XIRP2: variants seen among roughly 807,000 people sequenced by gnomAD.
The protein encoded by XIRP2 is xin actin-binding repeat-containing protein 2.
XIRP2 carries 236 observed loss-of-function variants against 277.0 expected under a neutral mutation model. The ratio of observed to expected loss-of-function variants is 0.85; its 90% CI spans 0.77 to 0.95. XIRP2 has a LOEUF of 0.95. Among genes scored for constraint, XIRP2 ranks in the 40% least tolerant of loss-of-function variants. The pLI is 0.00. For missense variants in XIRP2, 4,640 were observed against 4,157.5 expected (o/e 1.12, Z -3.19); for synonymous variants, 1,490 against 1,416.5 (o/e 1.05, Z -1.17).
At chr2:167,179,102 C>A (rs1027405430) in intron 3 of XIRP2, among the ~76,000 whole-genome samples, 1 of 151,944 alleles carries the variant, frequency 6.6e-6, no homozygotes, top group African/African-American at 2.4e-5. Context: ...TATACTAAAG[C>A]TGTGTTCTTT....
intron 2 of XIRP2, among the ~76,000 whole-genome samples, chr2:167,122,247 G>T (rs751360956): frequency 6.6e-6 from 1 of 152,096 alleles, no homozygotes; most frequent in Admixed American, 6.6e-5. Flanking sequence ...TTGGACATAC[G>T]AGTTTTAACA....
At chr2:167,039,694 T>C (rs1320353279) in intron 2 of XIRP2, among the ~76,000 whole-genome samples, 2 of 152,230 alleles carry the variant, frequency 1.3e-5, no homozygotes, top group Non-Finnish European at 2.9e-5. Flanking sequence ...GCAGGTCTTA[T>C]ACAATGTCAC....
At chr2:167,017,247 A>G (rs573489955) in intron 2 of XIRP2, among the ~76,000 whole-genome samples, 10 of 152,028 alleles carry the variant, frequency 6.6e-5, no homozygotes, top group South Asian at 2.1e-4. Context: ...CACTTCCTCT[A>G]CAATCTATTG....
intron 2 of XIRP2, among the ~76,000 whole-genome samples, chr2:166,913,902 C>G (rs1416429050): frequency 6.6e-6 from 1 of 152,118 alleles, no homozygotes; most frequent in Non-Finnish European, 1.5e-5. Context: ...TTATTCTTCA[C>G]TTAGATTCAA....
chr2:166,956,543 C>G (rs1686164896), intron 2 of XIRP2, among the ~76,000 whole-genome samples: 1 of 151,686 alleles, frequency 6.6e-6, no homozygotes, highest in South Asian at 2.1e-4. Context: ...GCATTCAAAC[C>G]CAACAGATCC....
chr2:166,951,533 A>G (rs1242966676), intron 2 of XIRP2, among the ~76,000 whole-genome samples: 1 of 152,020 alleles, frequency 6.6e-6, no homozygotes, highest in Non-Finnish European at 1.5e-5. Context: ...TGGAAAAAAA[A>G]AATTTAGAAA....
chr2:167,218,914 TA>T (rs1276519767), intron 5 of XIRP2, among the ~76,000 whole-genome samples: 1 of 152,162 alleles, frequency 6.6e-6, no homozygotes, highest in African/African-American at 2.4e-5. Context: ...AGAATCTTAG[TA>T]ATAAAACTCA....
chr2:167,148,648 T>C (rs16853048), intron 3 of XIRP2, among the ~76,000 whole-genome samples: 15,205 of 152,030 alleles, frequency 0.1, 825 homozygotes, highest in South Asian at 0.15. Flanking sequence ...AAAGACAAGA[T>C]TGTCAGGTTG....
intron 3 of XIRP2, among the ~76,000 whole-genome samples, chr2:167,141,618 T>C (rs1011084342): frequency 1.3e-5 from 2 of 152,164 alleles, no homozygotes; most frequent in Admixed American, 1.3e-4. Flanking sequence ...TTCTCAGTGC[T>C]TTGGGAGGCC....
At chr2:167,013,232 A>G (rs568918154) in intron 2 of XIRP2, among the ~76,000 whole-genome samples, 17 of 151,646 alleles carry the variant, frequency 1.1e-4, no homozygotes, top group Non-Finnish European at 2.1e-4. Flanking sequence ...AATATATGAT[A>G]TCAGATGCTC....
chr2:167,133,847 C>G (rs1415562961), intron 2 of XIRP2, among the ~76,000 whole-genome samples: 2 of 152,102 alleles, frequency 1.3e-5, no homozygotes. Context: ...ATACTCGTGC[C>G]ACATGTAATG....
intron 2 of XIRP2, among the ~76,000 whole-genome samples, chr2:167,050,806 G>A (rs1226415249): frequency 8.0e-6 from 1 of 124,460 alleles, no homozygotes; most frequent in East Asian, 3.9e-4. Flanking sequence ...GAGCACTGCT[G>A]GCACATTTTT....
In XIRP2 at chr2:167,244,812, A is replaced by G; in HGVS notation, c.3420A>G (p.Lys1140=). 1 of 1,613,744 alleles carries G rather than the reference A, an allele frequency of 6.2e-7. No individual in the cohort carries two copies. Among genetic ancestry groups the G allele is most frequent in the Non-Finnish European group, 8.5e-7 (1 of 1,179,770 alleles). ...AAACTCAGCCACTTGATACCATAAAAGATGACTCTGAAACAGCAGTCAAAT... is the reference window on the plus strand; with the variant it reads ...AAACTCAGCCACTTGATACCATAAAGGATGACTCTGAAACAGCAGTCAAAT... ...LFETQPLDTI[K]DDSETAVKLQ... Residue 1140 remains lysine (K), a synonymous_variant, in exon 9 of 11, where the codon AAA becomes AAG. Coordinates refer to ENST00000409195, the MANE Select transcript of XIRP2 (RefSeq NM_152381.6).
chr2:167,231,269 A>C (rs1384527155), intron 5 of XIRP2, among the ~76,000 whole-genome samples: 1 of 152,008 alleles, frequency 6.6e-6, no homozygotes. Flanking sequence ...ACACTGAAAG[A>C]GGGAGGGAGG....
chr2:167,227,489 C>A (rs868071957), intron 5 of XIRP2, among the ~76,000 whole-genome samples: 1 of 152,024 alleles, frequency 6.6e-6, no homozygotes, highest in South Asian at 2.1e-4. Flanking sequence ...TCGTTTGAGG[C>A]CAGGAGTTAG....
Position 167,245,882 on chromosome 2 carries a change from G to A in XIRP2, c.4490G>A (p.Arg1497Gln), listed in dbSNP as rs768847200. The part of the protein sequence containing the change: ...VKQAVWLFEN[R>Q]TFDSIMEAHK... ...CAGGCTGTGTGGCTTTTTGAAAATC[G>A]AACTTTCGATTCTATTATGGAAGCA... is the stretch of plus-strand genomic sequence containing the variant. The change falls in exon 9 of 11, where the codon CGA becomes CAA. Residue 1497 changes from arginine to glutamine, a missense_variant. Physicochemically the swap from Arg to Gln is conservative, Grantham distance 43 (BLOSUM62 1). Transcript: ENST00000409195. The A allele has an allele frequency of 3.0e-5, 48 of 1,613,434 alleles. No homozygotes were observed. Among genetic ancestry groups the A allele is most frequent in the Middle Eastern group, 3.3e-4 (2 of 6,084 alleles).
intron 2 of XIRP2, among the ~76,000 whole-genome samples, chr2:167,023,032 G>T (rs565599691): frequency 8.3e-4 from 127 of 152,140 alleles, no homozygotes; most frequent in Admixed American, 1.1e-3. Context: ...ATCGCCACAC[G>T]GACTTCCACA....
rs1256809790 is a variant in XIRP2 at position 167,007,358 on chromosome 2, C to T, written c.408+103468C>T. Among the ~76,000 whole-genome samples the T allele has an allele frequency of 2.0e-5, 3 of 151,476 alleles. No individual in the cohort carries two copies. In the East Asian group the frequency reaches 5.8e-4, roughly 29 times the overall value. On this transcript the variant is annotated intron_variant, in intron 2 of 10. Transcript: ENST00000409195. The stretch of plus-strand genomic sequence containing the variant: ...ATTTTTTAAATCACTAAAAATTATT[C>T]TTTGTATATAACAAAATGTTAGAGC...
chr2:167,009,310 G>T (rs937538621), intron 2 of XIRP2, among the ~76,000 whole-genome samples: 6 of 147,646 alleles, frequency 4.1e-5, no homozygotes, highest in African/African-American at 1.5e-4. Context: ...GAGAATATGT[G>T]GTGTTTGGTT....
Sources: allele counts gnomAD v4.1 joint callset (sites outside exome capture counted in the v4.1 genomes callset), GRCh38; gene constraint gnomAD v4.1.1; transcripts MANE v1.5; gene names NCBI Gene and HGNC (gene_info 2026-07-23, HGNC 2026-07-21).